The following RPTOR variants were observed in gnomAD, a reference collection of about 807,000 sequenced individuals.
The protein encoded by RPTOR is regulatory associated protein of MTOR complex 1, also known as regulatory-associated protein of mTOR.
In RPTOR, 21 loss-of-function variants were observed where a neutral mutation model predicts 169.9. The ratio of observed to expected loss-of-function variants is 0.12; its 90% CI spans 0.09 to 0.18. RPTOR has a LOEUF of 0.18. Among genes scored for constraint, RPTOR ranks in the 10% least tolerant of loss-of-function variants. The probability of loss-of-function intolerance (pLI) is 1.00; values close to 1 mark genes in which losing one functional copy is unlikely to be tolerated. For missense variants in RPTOR, 1,133 were observed against 1,855.9 expected (o/e 0.61, Z 7.16); for synonymous variants, 732 against 753.2 (o/e 0.97, Z 0.46).
chr17:80,566,926 A>G (rs1219267011), intron 1 of RPTOR, among the ~76,000 whole-genome samples: 1 of 152,044 alleles, frequency 6.6e-6, no homozygotes. Context: ...AACAGCAACA[A>G]CAAAATATTA....
intron 13 of RPTOR, among the ~76,000 whole-genome samples, chr17:80,880,037 A>G (rs2068168434): frequency 6.6e-6 from 1 of 152,092 alleles, no homozygotes; most frequent in Non-Finnish European, 1.5e-5. Flanking sequence ...GTCTGCACCA[A>G]CAGGCTGGTT....
chr17:80,901,631 C>G (rs1413001454), intron 20 of RPTOR, among the ~76,000 whole-genome samples: 2 of 152,214 alleles, frequency 1.3e-5, no homozygotes, highest in East Asian at 3.8e-4. Context: ...TCCCTGTTTC[C>G]AGCCAATTTC....
intron 4 of RPTOR, among the ~76,000 whole-genome samples, chr17:80,716,137 C>T (rs953202722): frequency 6.6e-6 from 1 of 152,206 alleles, no homozygotes; most frequent in African/African-American, 2.4e-5. Context: ...TTTCAGGAAT[C>T]TCCACACTGT....
intron 3 of RPTOR, among the ~76,000 whole-genome samples, chr17:80,700,855 G>C (rs1452687496): frequency 6.6e-6 from 1 of 151,808 alleles, no homozygotes; most frequent in Non-Finnish European, 1.5e-5. Context: ...AGATGATGGT[G>C]GTGGTAGTGG....
At chr17:80,837,656 A>G (rs548855483) in intron 9 of RPTOR, among the ~76,000 whole-genome samples, 1 of 152,302 alleles carries the variant, frequency 6.6e-6, no homozygotes, top group South Asian at 2.1e-4. Flanking sequence ...ATTTTATTTT[A>G]AAGAGAAAAA....
intron 3 of RPTOR, among the ~76,000 whole-genome samples, chr17:80,660,587 C>G (rs1056713644): frequency 2.6e-5 from 4 of 152,102 alleles, no homozygotes; most frequent in African/African-American, 4.8e-5. Context: ...TCCCAGAGCC[C>G]CATTCACCAC....
chr17:80,750,455 C>T (rs536813737), intron 5 of RPTOR, among the ~76,000 whole-genome samples: 8 of 152,316 alleles, frequency 5.3e-5, no homozygotes, highest in Admixed American at 2.6e-4. Context: ...GCCTCAGATG[C>T]CTCCCTCCCA....
At position 80,796,218 on chromosome 17, in the gene RPTOR, T is replaced by C. The variant is rs530136416; in HGVS notation, c.890+4709T>C. Among the ~76,000 whole-genome samples, 13 of 151,746 alleles carry C rather than the reference T, an allele frequency of 8.6e-5. No individual in the cohort carries two copies. In the South Asian group the frequency reaches 1.5e-3, roughly 17 times the overall value. On this transcript the variant is annotated intron_variant, in intron 7 of 33. Transcript: ENST00000306801. ...GGATAGCTATAAATATAAAGGGGAGTTTATTGATTAATATTAACTCACACG... is the reference window on the plus strand; with the variant it reads ...GGATAGCTATAAATATAAAGGGGAGCTTATTGATTAATATTAACTCACACG...
At chr17:80,813,156 C>T (rs1353656581) in intron 7 of RPTOR, among the ~76,000 whole-genome samples, 1 of 152,196 alleles carries the variant, frequency 6.6e-6, no homozygotes, top group African/African-American at 2.4e-5. Context: ...TAATTATGAT[C>T]ACTCAAAGTC....
intron 3 of RPTOR, among the ~76,000 whole-genome samples, chr17:80,661,876 A>G (rs1266965848): frequency 6.6e-6 from 1 of 152,118 alleles, no homozygotes; most frequent in Non-Finnish European, 1.5e-5. Flanking sequence ...CTCGAGATTC[A>G]CTGCGCTGCA....
At chr17:80,738,171 G>A (rs1443881138) in intron 5 of RPTOR, among the ~76,000 whole-genome samples, 1 of 152,212 alleles carries the variant, frequency 6.6e-6, no homozygotes, top group Non-Finnish European at 1.5e-5. Context: ...GCCCCAGGGG[G>A]AGCAGGCAGC....
intron 6 of RPTOR, among the ~76,000 whole-genome samples, chr17:80,760,038 A>G (rs1395908066): frequency 6.6e-6 from 1 of 152,154 alleles, no homozygotes; most frequent in African/African-American, 2.4e-5. Flanking sequence ...GTATCATTTT[A>G]TATTTCACTA....
chr17:80,732,401 C>T (rs925213168), intron 5 of RPTOR, among the ~76,000 whole-genome samples: 4 of 152,082 alleles, frequency 2.6e-5, no homozygotes, highest in East Asian at 1.9e-4. Flanking sequence ...GCATGTGCTC[C>T]GGCAGTGCTG....
At chr17:80,788,348 T>C (rs2067014783) in intron 6 of RPTOR, among the ~76,000 whole-genome samples, 1 of 152,076 alleles carries the variant, frequency 6.6e-6, no homozygotes, top group Non-Finnish European at 1.5e-5. Flanking sequence ...GGCGGGAGGC[T>C]GAGGCAGGAG....
intron 2 of RPTOR, among the ~76,000 whole-genome samples, chr17:80,632,178 T>C (rs569943776): frequency 7.2e-5 from 11 of 152,300 alleles, no homozygotes; most frequent in African/African-American, 2.4e-4. Flanking sequence ...CTGGTTGAAA[T>C]TGACTTCTTA....
intron 7 of RPTOR, among the ~76,000 whole-genome samples, chr17:80,818,594 G>A (rs1461788222): frequency 1.3e-5 from 2 of 152,230 alleles, no homozygotes; most frequent in Non-Finnish European, 2.9e-5. Context: ...GTCACCCCCA[G>A]TAGGACCAGG....
chr17:80,806,181 C>T (rs4969277), intron 7 of RPTOR, among the ~76,000 whole-genome samples: 31,260 of 152,134 alleles, frequency 0.21, 3,423 homozygotes, highest in African/African-American at 0.26. Context: ...TATTGTCTCT[C>T]GGGTGCCATG....
intron 28 of RPTOR, among the ~76,000 whole-genome samples, chr17:80,950,357 G>T (rs1449474129): frequency 6.6e-6 from 1 of 152,210 alleles, no homozygotes; most frequent in Admixed American, 6.5e-5. Context: ...AGCCTTCCGT[G>T]TGGGGCCTGC....
intron 1 of RPTOR, among the ~76,000 whole-genome samples, chr17:80,565,482 G>T (rs542169827): frequency 9.3e-4 from 141 of 152,338 alleles, no homozygotes; most frequent in African/African-American, 3.4e-3. Context: ...TCTTTGAGAA[G>T]GAGCCAGTGC....
Sources: allele counts gnomAD v4.1 joint callset (sites outside exome capture counted in the v4.1 genomes callset), GRCh38; gene constraint gnomAD v4.1.1; transcripts MANE v1.5; gene names NCBI Gene and HGNC (gene_info 2026-07-23, HGNC 2026-07-21).